Variants in SLC19A1 observed in about 807,000 individuals in gnomAD.
SLC19A1 encodes the protein reduced folate transporter.
In SLC19A1, 37 loss-of-function variants were observed where a neutral mutation model predicts 35.3. That is an observed-to-expected ratio of 1.05 (90% confidence interval 0.81 to 1.38). The LOEUF is 1.38. SLC19A1 is among the 40% of genes most tolerant of loss of function. The probability of loss-of-function intolerance (pLI) is 0.00; values close to 1 mark genes in which losing one functional copy is unlikely to be tolerated. For missense variants in SLC19A1, 831 were observed against 826.9 expected (o/e 1.00, Z -0.06); for synonymous variants, 460 against 398.5 (o/e 1.15, Z -1.84).
At position 45,525,943 on chromosome 21, in the gene SLC19A1, A is replaced by T; in HGVS notation, c.1167T>A (p.Ser389=). ...LVPIATFQIA[S]SLSKELCALV... ...GGGCACAGAGCTCTTTAGACAGAGAAGATGCAATCTGAAAGCTGAACGGGA... is the reference window on the plus strand; with the variant it reads ...GGGCACAGAGCTCTTTAGACAGAGATGATGCAATCTGAAAGCTGAACGGGA... Residue 389 remains serine (S), a synonymous_variant, in exon 5 of 6, where the codon TCT becomes TCA. Coordinates refer to ENST00000311124, the MANE Select transcript of SLC19A1 (RefSeq NM_194255.4). 1 of 1,613,398 alleles carries T rather than the reference A, an allele frequency of 6.2e-7. No homozygotes were observed. Among genetic ancestry groups the T allele is most frequent in the Non-Finnish European group, 8.5e-7 (1 of 1,179,894 alleles).
In SLC19A1 at chr21:45,515,452, G is replaced by T; in HGVS notation, c.*206C>A. ...AACAAAGCCCGCGGGGCACAGTGCA[G>T]GGACAGCATGGCCAGGCAGCTGCCC... On this transcript the variant is annotated 3_prime_UTR_variant, in exon 6 of 6. Transcript: ENST00000311124. 1 of 1,476,734 alleles carries T rather than the reference G, an allele frequency of 6.8e-7. No individual in the cohort carries two copies. Among genetic ancestry groups the T allele is most frequent in the Non-Finnish European group, 8.9e-7 (1 of 1,125,424 alleles). The allele number at this position is 1,476,734 out of a possible 1,614,324, so 91.5% of individuals were successfully genotyped here. A position where few individuals can be genotyped will look rare whatever the true frequency, so the allele number is the denominator to read the frequency against.
At chr21:45,516,216 TC>T in intron 5 of SLC19A1, 76 bp from the exon 6 acceptor site, 1 of 1,176,624 alleles carries the variant, frequency 8.5e-7, no homozygotes, top group Non-Finnish European at 1.2e-6. Flanking sequence ...CGACGCCTGC[TC>T]CCAGGCTCAC....
At chr21:45,542,078 G>A (rs2078325364) in intron 1 of SLC19A1, among the ~76,000 whole-genome samples, 1 of 47,784 alleles carries the variant, frequency 2.1e-5, no homozygotes, top group South Asian at 6.9e-4. Context: ...CGCAGACCCC[G>A]GCCACGCCCC....
At chr21:45,558,621 G>C (rs1449740060) in intron 1 of SLC19A1, among the ~76,000 whole-genome samples, 1 of 152,184 alleles carries the variant, frequency 6.6e-6, no homozygotes, top group Non-Finnish European at 1.5e-5. Flanking sequence ...AGCGAGGGCA[G>C]GCACAGGTAG....
rs2037679943 is a variant in SLC19A1, at chr21:45,512,657, G to C, written c.*3001C>G. 3.6e-6 allele frequency: 2 copies of C among 556,900 alleles called. No homozygotes were observed. Among genetic ancestry groups the C allele is most frequent in the East Asian group, 3.1e-5 (1 of 32,230 alleles). The allele number at this position is 556,900 out of a possible 1,614,324, so 34.5% of individuals were successfully genotyped here. ...CCTGTGAGCCCAGCTGGGTCAGGCA[G>C]GGTGCAGTATCATGCCCTGTGCAAC... On this transcript the variant is annotated 3_prime_UTR_variant, in exon 6 of 6. Coordinates refer to ENST00000311124, the MANE Select transcript of SLC19A1 (RefSeq NM_194255.4).
At position 45,506,204 on chromosome 21, in the gene SLC19A1, C is replaced by T. The variant is rs370210124; in HGVS notation, c.498-7592G>A. 4.5e-5 allele frequency: 25 copies of T among 561,600 alleles called. No homozygotes were observed. In the African/African-American group the frequency reaches 4.7e-4, roughly 11 times the overall value. The allele number at this position is 561,600 out of a possible 1,614,324, so 34.8% of individuals were successfully genotyped here. The stretch of plus-strand genomic sequence containing the variant: ...GGATGAACACATGGCGTGTGAGGGG[C>T]TCCTGGTGGGTCATGTCACAGTGAA... On this transcript the variant is annotated intron_variant, in intron 3 of 4. Coordinates refer to the SLC19A1 transcript ENST00000417954.
upstream of SLC19A1, among the ~76,000 whole-genome samples, chr21:45,548,235 C>T (rs2078432703): frequency 6.6e-6 from 1 of 152,218 alleles, no homozygotes; most frequent in African/African-American, 2.4e-5. Context: ...GAACATCAGA[C>T]TTTATCACGT....
intron 3 of SLC19A1, chr21:45,504,519 CAGG>C (rs757780135): frequency 0.11 from 1,962 of 17,336 alleles, 3 homozygotes; most frequent in Admixed American, 0.21. Flanking sequence ...CCCGGCCCCC[CAGG>C]CCCCCCAGGC....
At chr21:45,541,989 G>C (rs4311136) in intron 1 of SLC19A1, among the ~76,000 whole-genome samples, 51,424 of 151,034 alleles carry the variant, frequency 0.34, 9,539 homozygotes, top group East Asian at 0.5. Context: ...CCAGGCGCCC[G>C]GGCCACCGCG....
chr21:45,523,072 C>CG (rs2077484789), intron 5 of SLC19A1, among the ~76,000 whole-genome samples: 1 of 121,424 alleles, frequency 8.2e-6, no homozygotes, highest in Non-Finnish European at 1.8e-5. Flanking sequence ...GCAGGCAAAC[C>CG]CAGGCAAGCT....
chr21:45,526,136 G>A (rs2077609168), intron 4 of SLC19A1, among the ~76,000 whole-genome samples, 178 bp from the exon 5 acceptor site: 1 of 152,184 alleles, frequency 6.6e-6, no homozygotes, highest in South Asian at 2.1e-4. Flanking sequence ...GCCCCTGCCA[G>A]GCAGGAGCCA....
intron 3 of SLC19A1, chr21:45,506,347 C>T (rs1057442504): frequency 1.4e-5 from 5 of 354,714 alleles, no homozygotes; most frequent in South Asian, 2.2e-5. Flanking sequence ...AGCACGGCCC[C>T]GGCTGGGGGG....
In SLC19A1 at chr21:45,513,964, A is replaced by C. The variant is rs1330125248; in HGVS notation, c.*1694T>G. ...CACGGGTGTGTGGACACACACCAAC[A>C]CTCTTAGGTCTCTCCTCACAGCAGG... is the stretch of plus-strand genomic sequence containing the variant. On this transcript the variant is annotated 3_prime_UTR_variant, in exon 6 of 6. Coordinates refer to ENST00000311124, the MANE Select transcript of SLC19A1 (RefSeq NM_194255.4). 2 of 152,204 alleles carry C rather than the reference A, an allele frequency of 1.3e-5. No individual in the cohort carries two copies. The highest frequency in any genetic ancestry group is 2.4e-5 in the African/African-American group (1 of 41,412). 9.4% of individuals were successfully genotyped at this position (152,204 alleles called of 1,614,324 possible). A position where few individuals can be genotyped will look rare whatever the true frequency, so the allele number is the denominator to read the frequency against.
intron 3 of SLC19A1, chr21:45,502,544 A>G (rs939755364): frequency 1.3e-5 from 2 of 152,230 alleles, no homozygotes; most frequent in African/African-American, 4.8e-5. Context: ...TGTTTTATAT[A>G]TAAAAATAGC....
Position 45,513,453 on chromosome 21 carries a change from C to CTGCGGTGA in SLC19A1, c.*2204_*2205insTCACCGCA, listed in dbSNP as rs2037725621. On this transcript the variant is annotated 3_prime_UTR_variant, in exon 6 of 6. Transcript: ENST00000311124. ...GACTGAAGGGGAACCCCGGGGTGCC[C>CTGCGGTGA]ACAGGCCGCCCTGCGGGTGAACAAA... 1 of 152,228 alleles carries CTGCGGTGA rather than the reference C, an allele frequency of 6.6e-6. No homozygotes were observed. Among genetic ancestry groups the CTGCGGTGA allele is most frequent in the Non-Finnish European group, 1.5e-5 (1 of 68,056 alleles). 9.4% of individuals were successfully genotyped at this position (152,228 alleles called of 1,614,324 possible). A position where few individuals can be genotyped will look rare whatever the true frequency, so the allele number is the denominator to read the frequency against.
chr21:45,541,943 G>C (rs2078319336), intron 1 of SLC19A1: 1 of 152,264 alleles, frequency 6.6e-6, no homozygotes, highest in Non-Finnish European at 1.5e-5. Context: ...GGCGGAAAGC[G>C]AGCGGCGGGA....
Position 45,503,951 on chromosome 21 carries a change from A to G in SLC19A1, c.498-5339T>C, listed in dbSNP as rs1255631983. On this transcript the variant is annotated intron_variant, in intron 3 of 4. Transcript: ENST00000417954. Reference sequence around the variant, plus strand: ...AACCCACCAGTGCTGGGGGCTGCAGAGGGAACCCGGCGCTGTCAGACACCA... The same window carrying G: ...AACCCACCAGTGCTGGGGGCTGCAGGGGGAACCCGGCGCTGTCAGACACCA... The G allele has an allele frequency of 1.9e-6, 3 of 1,602,512 alleles. No homozygotes were observed. The Admixed American group carries it at 5.0e-5, about 27-fold the overall frequency.
Position 45,515,567 on chromosome 21 carries a change from C to T in SLC19A1, c.*91G>A. 2 of 1,569,874 alleles carry T rather than the reference C, an allele frequency of 1.3e-6. No homozygotes were observed. Among genetic ancestry groups the T allele is most frequent in the Non-Finnish European group, 1.7e-6 (2 of 1,167,266 alleles). ...GGCCTGCTAGCAGGATAAGCGGAGGCCCCCATTGCTAAGGCAGGCGGCCCT... is the reference window on the plus strand; with the variant it reads ...GGCCTGCTAGCAGGATAAGCGGAGGTCCCCATTGCTAAGGCAGGCGGCCCT... On this transcript the variant is annotated 3_prime_UTR_variant, in exon 6 of 6. Transcript: ENST00000311124.
Position 45,533,919 on chromosome 21 carries a change from T to A in SLC19A1, c.190-1771A>T, listed in dbSNP as rs1180582506. Among the ~76,000 whole-genome samples the A allele has an allele frequency of 6.6e-6, 1 of 151,846 alleles. No homozygotes were observed. Among genetic ancestry groups the A allele is most frequent in the Non-Finnish European group, 1.5e-5 (1 of 67,900 alleles). On this transcript the variant is annotated intron_variant, in intron 2 of 5. Coordinates refer to ENST00000311124, the MANE Select transcript of SLC19A1 (RefSeq NM_194255.4). This position sits in a 1 kb window ranked among gnomAD's most constrained non-coding sequence, Gnocchi z 4.5. Reference sequence around the variant, plus strand: ...ATAGGACCCTGCAGCCAGGCCGGCATGCTGAGAAGCTTCCCAGGGGCTCAG... The same window carrying A: ...ATAGGACCCTGCAGCCAGGCCGGCAAGCTGAGAAGCTTCCCAGGGGCTCAG...
Sources: gnomAD v4.1 joint callset for allele counts (sites outside exome capture counted in the v4.1 genomes callset) on GRCh38, gnomAD v4.1.1 for gene constraint, Gnocchi (gnomAD v3.1) non-coding constraint, MANE v1.5 for transcripts, NCBI Gene and HGNC (gene_info 2026-07-23, HGNC 2026-07-21) for gene names.